The following PAPPA2 variants were observed in gnomAD, a reference collection of about 807,000 sequenced individuals.
The protein encoded by PAPPA2 is pappalysin 2.
In PAPPA2, 86 loss-of-function variants were observed where a neutral mutation model predicts 176.4. The ratio of observed to expected loss-of-function variants is 0.49; its 90% CI spans 0.41 to 0.58. The LOEUF (loss-of-function observed/expected upper bound fraction) is 0.58. Ranked by LOEUF, PAPPA2 falls within the 20% of genes least tolerant of loss-of-function variation. The pLI is 0.00. For synonymous variants in PAPPA2, 809 were observed against 852.2 expected, an observed-to-expected ratio of 0.95 and a Z score of 0.88; for missense variants, 2,073 against 2,256.9, an observed-to-expected ratio of 0.92 and a Z score of 1.65.
At chr1:176,665,892 A>G (rs1444786598) in intron 3 of PAPPA2, among the ~76,000 whole-genome samples, 1 of 152,212 alleles carries the variant, frequency 6.6e-6, no homozygotes, top group Non-Finnish European at 1.5e-5. Flanking sequence ...GCTGACTTCA[A>G]GGTTTCTGTG....
At chr1:176,676,396 C>T (rs1225082698) in intron 4 of PAPPA2, among the ~76,000 whole-genome samples, 1 of 151,772 alleles carries the variant, frequency 6.6e-6, no homozygotes, top group East Asian at 1.9e-4. Context: ...TGAAATACTA[C>T]TCAACGAAGT....
chr1:176,470,817 A>T (rs185166521), intron 1 of PAPPA2, among the ~76,000 whole-genome samples: 1 of 152,328 alleles, frequency 6.6e-6, no homozygotes, highest in Admixed American at 6.5e-5. Context: ...GTCTCTTCTA[A>T]TCGTGGCTGG....
At chr1:176,532,173 T>C (rs1649850264) in intron 1 of PAPPA2, among the ~76,000 whole-genome samples, 1 of 152,210 alleles carries the variant, frequency 6.6e-6, no homozygotes, top group Non-Finnish European at 1.5e-5. Flanking sequence ...TCCGGTACCT[T>C]AGGCATAAAT....
chr1:176,802,414 TA>T (rs1277215455), intron 21 of PAPPA2, among the ~76,000 whole-genome samples: 1 of 152,102 alleles, frequency 6.6e-6, no homozygotes, highest in Non-Finnish European at 1.5e-5. Flanking sequence ...TGGCATGCTC[TA>T]GGGGCAAATT....
chr1:176,538,825 C>A (rs931933100), intron 1 of PAPPA2, among the ~76,000 whole-genome samples: 1 of 152,150 alleles, frequency 6.6e-6, no homozygotes, highest in Non-Finnish European at 1.5e-5. Context: ...AAGGCAGACT[C>A]ATAAAAGAAG....
intron 14 of PAPPA2, among the ~76,000 whole-genome samples, chr1:176,742,632 C>T (rs181986001): frequency 6.6e-6 from 1 of 152,106 alleles, no homozygotes; most frequent in African/African-American, 2.4e-5. Flanking sequence ...TTTGATATAC[C>T]GGGAGCCTGG....
chr1:176,792,458 C>G (rs1348238666), intron 19 of PAPPA2, among the ~76,000 whole-genome samples: 1 of 152,184 alleles, frequency 6.6e-6, no homozygotes, highest in Non-Finnish European at 1.5e-5. Flanking sequence ...CATAGAGTAT[C>G]AGGGAATTCA....
rs752306427 is a variant in PAPPA2 at position 176,690,349 on chromosome 1, C to G, written c.2350C>G (p.Arg784Gly). 15 of 1,614,052 alleles carry G rather than the reference C, an allele frequency of 9.3e-6. No individual in the cohort carries two copies. Among genetic ancestry groups the G allele is most frequent in the African/African-American group, 1.3e-5 (1 of 74,928 alleles). The change falls in exon 5 of 23, where the codon CGG becomes GGG. Residue 784 changes from arginine (R) to glycine (G), a missense_variant. Around this residue, in one of 4 missense-constraint regions of PAPPA2, gnomAD observed 1,196 missense variants for 1,330.4 expected, o/e 0.90. Transcript: ENST00000367662. The part of the protein sequence containing the change: ...TAPTPKSELC[R>G]EPEPTSDTCG... ...CCCCACTCCCAAGAGTGAGCTGTGC[C>G]GGGAACCAGAGCCCACTAGTGACAC...
At chr1:176,625,134 C>A (rs1655934307) in intron 3 of PAPPA2, among the ~76,000 whole-genome samples, 1 of 152,148 alleles carries the variant, frequency 6.6e-6, no homozygotes, top group African/African-American at 2.4e-5. Context: ...TGGTCAATAC[C>A]ACAGGAGTAA....
chr1:176,713,471 A>C (rs960370538), intron 12 of PAPPA2, among the ~76,000 whole-genome samples: 1 of 152,212 alleles, frequency 6.6e-6, no homozygotes, highest in African/African-American at 2.4e-5. Context: ...CACAGGGGCA[A>C]GCTTGTATTC....
intron 4 of PAPPA2, among the ~76,000 whole-genome samples, chr1:176,684,692 C>T (rs922974818): frequency 1.2e-4 from 19 of 152,098 alleles, no homozygotes; most frequent in Admixed American, 3.3e-4. Context: ...TGGAAGGGAA[C>T]GATTATTGGC....
intron 3 of PAPPA2, among the ~76,000 whole-genome samples, chr1:176,628,129 C>T (rs1251519530): frequency 6.6e-6 from 1 of 152,166 alleles, no homozygotes; most frequent in Non-Finnish European, 1.5e-5. Flanking sequence ...CCATAAGCTA[C>T]ATGGGTGCAG....
intron 14 of PAPPA2, among the ~76,000 whole-genome samples, chr1:176,749,683 T>C (rs1663077614): frequency 6.6e-6 from 1 of 152,218 alleles, no homozygotes; most frequent in Non-Finnish European, 1.5e-5. Flanking sequence ...GCCTTTTCCA[T>C]AATGTCATAT....
chr1:176,545,062 A>G (rs1443368418), intron 1 of PAPPA2, among the ~76,000 whole-genome samples: 7 of 152,164 alleles, frequency 4.6e-5, no homozygotes, highest in Non-Finnish European at 7.3e-5. Flanking sequence ...TGATTGATTA[A>G]ATCATTAGCC....
At chr1:176,657,711 T>C (rs992678959) in intron 3 of PAPPA2, among the ~76,000 whole-genome samples, 1 of 151,978 alleles carries the variant, frequency 6.6e-6, no homozygotes, top group Non-Finnish European at 1.5e-5. Flanking sequence ...GGTGGGAATT[T>C]TAGGCCTGTG....
chr1:176,588,931 C>T (rs61821129), intron 2 of PAPPA2, among the ~76,000 whole-genome samples: 2,457 of 152,274 alleles, frequency 0.016, 26 homozygotes, highest in Non-Finnish European at 0.025. Context: ...GGTGGTCTGC[C>T]AAGCTGTTTT....
intron 17 of PAPPA2, among the ~76,000 whole-genome samples, chr1:176,783,286 A>G (rs1664798323): frequency 6.6e-6 from 1 of 152,218 alleles, no homozygotes; most frequent in South Asian, 2.1e-4. Flanking sequence ...CACTGGAGAC[A>G]TCAGGTCCCC....
rs1191505461 is a variant in PAPPA2, at chr1:176,595,302, G to A, written c.1698G>A (p.Gln566=). 4.3e-6 allele frequency: 7 copies of A among 1,614,198 alleles called. No individual in the cohort carries two copies. Among genetic ancestry groups the A allele is most frequent in the Non-Finnish European group, 5.9e-6 (7 of 1,180,030 alleles). Residue 566 remains glutamine (Q), a synonymous_variant, in exon 3 of 23, where the codon CAG becomes CAA. Coordinates refer to ENST00000367662, the MANE Select transcript of PAPPA2 (RefSeq NM_020318.3). ...EAFSRYNISW[Q]LSVHQVHNST... ...TCAGCCGCTACAACATCAGCTGGCA[G>A]CTGAGCGTCCACCAGGTCCACAATT...
chr1:176,565,427 G>T (rs1343049677), intron 2 of PAPPA2, among the ~76,000 whole-genome samples: 2 of 152,212 alleles, frequency 1.3e-5, no homozygotes, highest in African/African-American at 4.8e-5. Flanking sequence ...GGGCACAGTG[G>T]CTCACGCCTG....
Sources: gnomAD v4.1 joint callset for allele counts (sites outside exome capture counted in the v4.1 genomes callset) on GRCh38, gnomAD v4.1.1 for gene constraint, gnomAD v4.1.1 regional missense constraint, MANE v1.5 for transcripts, NCBI Gene and HGNC (gene_info 2026-07-23, HGNC 2026-07-21) for gene names.